The following HYDIN variants were observed in gnomAD, a reference collection of about 807,000 sequenced individuals.
HYDIN encodes axonemal central pair apparatus protein HYDIN.
A neutral mutation model predicts 403.9 loss-of-function variants in HYDIN; 132 were observed. That is an observed-to-expected ratio of 0.33 (90% CI 0.28 to 0.38). HYDIN has a LOEUF of 0.38. Among genes scored for constraint, HYDIN ranks in the 10% least tolerant of loss-of-function variants. The pLI is 1.00. For missense variants in HYDIN, 2,827 were observed against 5,009.5 expected (o/e 0.56, Z 13.15); for synonymous variants, 1,202 against 1,891.7 (o/e 0.64, Z 9.46).
chr16:70,916,557 A>C (rs570798544), intron 47 of HYDIN, among the ~76,000 whole-genome samples: 2 of 152,250 alleles, frequency 1.3e-5, no homozygotes, highest in African/African-American at 2.4e-5. Flanking sequence ...GGTTCCCTTC[A>C]GGTTTCTTGA....
intron 20 of HYDIN, 39 bp downstream of exon 20, chr16:71,027,563 A>C: frequency 6.2e-7 from 1 of 1,613,610 alleles, no homozygotes; most frequent in Non-Finnish European, 8.5e-7. Context: ...AGATTTATTT[A>C]GGAAAAAACA....
intron 6 of HYDIN, among the ~76,000 whole-genome samples, chr16:71,161,824 A>G (rs530276977): frequency 6.1e-4 from 93 of 151,534 alleles, no homozygotes; most frequent in Admixed American, 2.2e-3. Flanking sequence ...GAGAGCCATC[A>G]TTCTGTCTAC....
intron 1 of HYDIN, among the ~76,000 whole-genome samples, chr16:71,218,650 T>C (rs558435042): frequency 1.3e-5 from 2 of 152,306 alleles, no homozygotes; most frequent in Non-Finnish European, 2.9e-5. Flanking sequence ...TGTTGCCTTT[T>C]CCCTCCCTGC....
At chr16:71,215,641 G>C (rs143036532) in intron 1 of HYDIN, among the ~76,000 whole-genome samples, 34 of 151,986 alleles carry the variant, frequency 2.2e-4, no homozygotes, top group African/African-American at 8.0e-4. Context: ...GCCAAGGCAA[G>C]AGGATCACTT....
rs767773706 is a variant in HYDIN at position 71,069,489 on chromosome 16, G to T, written c.1752C>A (p.Thr584=). 9.9e-6 allele frequency: 16 copies of T among 1,612,738 alleles called. No individual in the cohort carries two copies. Among genetic ancestry groups the T allele is most frequent in the Non-Finnish European group, 1.4e-5 (16 of 1,179,210 alleles). Residue 584 remains threonine, a synonymous_variant, in exon 14 of 86, where the codon ACC becomes ACA. Transcript: ENST00000393567. ...FGDVSFGFPH[T]LICSLNNTSL... is the part of the protein sequence containing the mutation. Reference sequence around the variant, plus strand: ...AGGTATTATTGAGGGAACATATCAAGGTATGAGGAAACCCTGGAAAACAAA... The same window carrying T: ...AGGTATTATTGAGGGAACATATCAATGTATGAGGAAACCCTGGAAAACAAA...
intron 25 of HYDIN, among the ~76,000 whole-genome samples, chr16:70,989,876 G>GA (rs547905965): frequency 1.3e-5 from 2 of 151,946 alleles, no homozygotes; most frequent in African/African-American, 4.8e-5. Flanking sequence ...GAACAAAACA[G>GA]AAAAAAAATT....
intron 4 of HYDIN, among the ~76,000 whole-genome samples, chr16:71,178,447 ATATATG>A (rs2086771753): frequency 6.8e-6 from 1 of 146,462 alleles, no homozygotes; most frequent in Non-Finnish European, 1.5e-5. Flanking sequence ...ATATATATAT[ATATATG>A]TATATATATA....
At position 71,129,608 on chromosome 16, in the gene HYDIN, C is replaced by T. The variant is rs546253774; in HGVS notation, c.1227+32G>A. On this transcript the variant is annotated intron_variant, in intron 9 of 85. Coordinates refer to ENST00000393567, the MANE Select transcript of HYDIN (RefSeq NM_001270974.2). Reference sequence around the variant, plus strand: ...CAAGCCTGTGCTCCCACTTACATTTCCTGTATGGTCAGCTTTTATTTATAT... The same window carrying T: ...CAAGCCTGTGCTCCCACTTACATTTTCTGTATGGTCAGCTTTTATTTATAT... 123 of 1,552,542 alleles carry T rather than the reference C, an allele frequency of 7.9e-5. No homozygotes were observed. The South Asian group carries it at 1.0e-3, about 13-fold the overall frequency.
chr16:71,060,316 A>G (rs1304983296), intron 18 of HYDIN, among the ~76,000 whole-genome samples, 188 bp downstream of exon 18: 1 of 152,220 alleles, frequency 6.6e-6, no homozygotes, highest in Non-Finnish European at 1.5e-5. Context: ...AAAATTATTA[A>G]TTGATGCATA....
rs1253853950 is a variant in HYDIN, at chr16:70,862,031, C to T, written c.11777+17G>A. The stretch of plus-strand genomic sequence containing the variant: ...GTGCCTGCCAAGAAGGGTGTTGTGG[C>T]GAGCACATTTTCTTACTGGCAGAAA... On this transcript the variant is annotated intron_variant, in intron 69 of 85. Transcript: ENST00000393567. 24 of 1,545,466 alleles carry T rather than the reference C, an allele frequency of 1.6e-5. No homozygotes were observed. The highest frequency in any genetic ancestry group is 4.8e-5 in the East Asian group (2 of 41,302).
At chr16:71,033,970 T>A (rs1259444145) in intron 18 of HYDIN, among the ~76,000 whole-genome samples, 69 of 152,238 alleles carry the variant, frequency 4.5e-4, no homozygotes, top group Non-Finnish European at 1.3e-4. Flanking sequence ...GGAGAGTATT[T>A]AGATGCTTCC....
chr16:71,186,112 C>T (rs1365026038), intron 2 of HYDIN, among the ~76,000 whole-genome samples: 6 of 145,678 alleles, frequency 4.1e-5, no homozygotes, highest in Admixed American at 1.4e-4. Flanking sequence ...ACAACCATCA[C>T]AAAAGAGAAT....
chr16:71,203,752 T>C (rs1019383178), intron 1 of HYDIN: 1 of 455,946 alleles, frequency 2.2e-6, no homozygotes, highest in Non-Finnish European at 4.4e-6. Context: ...CTCATATGGG[T>C]CCAAAGAATT....
chr16:71,080,849 A>T (rs1355380104), intron 12 of HYDIN: 1 of 150,566 alleles, frequency 6.6e-6, no homozygotes, highest in Non-Finnish European at 1.5e-5. Context: ...TTAAAAATAG[A>T]GGAAAGAGAC....
intron 23 of HYDIN, among the ~76,000 whole-genome samples, chr16:70,996,910 C>T (rs2079550539): frequency 6.6e-6 from 1 of 151,144 alleles, no homozygotes; most frequent in South Asian, 2.1e-4. Flanking sequence ...ACTTATTGTG[C>T]ACTTTATTTC....
chr16:71,062,548 G>A, intron 16 of HYDIN: 1 of 499,402 alleles, frequency 2.0e-6, no homozygotes, highest in Non-Finnish European at 3.5e-6. Flanking sequence ...GCCCAGCACA[G>A]CAAGATGCAG....
intron 18 of HYDIN, among the ~76,000 whole-genome samples, chr16:71,033,522 C>T (rs1335213484): frequency 6.6e-6 from 1 of 151,758 alleles, no homozygotes; most frequent in African/African-American, 2.4e-5. Context: ...AGCAAACAAA[C>T]ACAGGAACAT....
intron 83 of HYDIN, among the ~76,000 whole-genome samples, chr16:70,826,552 T>G (rs970326421): frequency 1.3e-5 from 2 of 151,996 alleles, no homozygotes; most frequent in Non-Finnish European, 2.9e-5. Flanking sequence ...TATTTTATGG[T>G]AACTTTTTTT....
chr16:71,175,495 TACC>T (rs77913596), intron 5 of HYDIN, 109 bp downstream of exon 5: 174,375 of 982,274 alleles, frequency 0.18, 17,789 homozygotes, highest in Middle Eastern at 0.26. Flanking sequence ...CCACCATCAA[TACC>T]ACCACCACCA....
Sources: gnomAD v4.1 joint callset for allele counts (sites outside exome capture counted in the v4.1 genomes callset) on GRCh38, gnomAD v4.1.1 for gene constraint, MANE v1.5 for transcripts, NCBI Gene and HGNC (gene_info 2026-07-23, HGNC 2026-07-21) for gene names.